Variants in CEP128 observed in about 807,000 individuals in gnomAD.
CEP128 encodes the protein centrosomal protein 128kDa.
CEP128 carries 132 observed loss-of-function variants against 156.7 expected under a neutral mutation model. The observed-to-expected ratio is 0.84, with a 90% CI of 0.73 to 0.97. The LOEUF (loss-of-function observed/expected upper bound fraction) is 0.97, where lower values mean the gene tolerates loss of function less well. CEP128 is among the 50% of genes least tolerant of loss of function. The pLI, the probability that CEP128 is intolerant of heterozygous loss-of-function variation, is 0.00. For synonymous variants in CEP128, 469 were observed against 448.9 expected, an observed-to-expected ratio of 1.04 and a Z score of -0.57; for missense variants, 1,252 against 1,281.9, an observed-to-expected ratio of 0.98 and a Z score of 0.36.
chr14:80,659,914 T>C (rs74066064), intron 19 of CEP128, among the ~76,000 whole-genome samples: 8,000 of 152,196 alleles, frequency 0.053, 638 homozygotes, highest in African/African-American at 0.18. Context: ...TCAGGGGGTT[T>C]GGGAGGTCTT....
chr14:80,582,717 T>C (rs2140453475), intron 19 of CEP128, among the ~76,000 whole-genome samples: 1 of 152,064 alleles, frequency 6.6e-6, no homozygotes, highest in Non-Finnish European at 1.5e-5. Context: ...AAACAACAGA[T>C]TTCTACACCA....
At chr14:80,887,780 G>C (rs1002425465) in intron 8 of CEP128, among the ~76,000 whole-genome samples, 10 of 152,090 alleles carry the variant, frequency 6.6e-5, no homozygotes, top group Admixed American at 6.5e-5. Flanking sequence ...ACTAAGATCA[G>C]AGCAGAACTG....
At chr14:80,793,191 T>G in intron 13 of CEP128, 81 bp from the exon 14 acceptor site, 21 of 1,017,146 alleles carry the variant, frequency 2.1e-5, no homozygotes, top group Non-Finnish European at 2.9e-5. Context: ...CAAGAATCTC[T>G]AATGTCACTG....
chr14:80,653,596 G>A (rs8007426), intron 19 of CEP128, among the ~76,000 whole-genome samples: 94,869 of 152,008 alleles, frequency 0.62, 30,004 homozygotes, highest in Non-Finnish European at 0.66. Context: ...CTTGTCTTCA[G>A]AGTTTTAAAG....
At chr14:80,845,494 C>A (rs551035584) in intron 9 of CEP128, among the ~76,000 whole-genome samples, 1 of 152,008 alleles carries the variant, frequency 6.6e-6, no homozygotes, top group South Asian at 2.1e-4. Context: ...ATTAGAAATC[C>A]AGAGTAATAT....
At chr14:80,679,990 T>C (rs538753916) in intron 19 of CEP128, among the ~76,000 whole-genome samples, 3 of 152,312 alleles carry the variant, frequency 2.0e-5, no homozygotes, top group South Asian at 4.1e-4. Context: ...GTTCCCCCGA[T>C]AGGTCCATAC....
chr14:80,865,403 G>A, intron 8 of CEP128, among the ~76,000 whole-genome samples: 1 of 152,212 alleles, frequency 6.6e-6, no homozygotes, highest in East Asian at 1.9e-4. Flanking sequence ...AACATGGGGT[G>A]TATAGATGTC....
intron 19 of CEP128, among the ~76,000 whole-genome samples, chr14:80,643,971 T>A (rs1465241832): frequency 6.6e-6 from 1 of 151,700 alleles, no homozygotes; most frequent in Non-Finnish European, 1.5e-5. Context: ...GTAGGGTGAG[T>A]CCTAATACAG....
upstream of CEP128, among the ~76,000 whole-genome samples, chr14:80,946,361 C>A (rs556753291): frequency 2.1e-5 from 3 of 139,740 alleles, no homozygotes; most frequent in Admixed American, 2.1e-4. Flanking sequence ...ATGATGATGC[C>A]TCATGATGCA....
chr14:80,792,044 T>C (rs145913421), intron 14 of CEP128, among the ~76,000 whole-genome samples: 1 of 152,350 alleles, frequency 6.6e-6, no homozygotes, highest in African/African-American at 2.4e-5. Context: ...CTGCTTATTA[T>C]CTTATAAACA....
intron 19 of CEP128, among the ~76,000 whole-genome samples, chr14:80,723,450 G>T (rs1019484487): frequency 5.3e-5 from 8 of 152,174 alleles, no homozygotes; most frequent in Non-Finnish European, 1.0e-4. Flanking sequence ...TAAATCTAGG[G>T]TAGTGAAGTT....
chr14:80,774,942 T>G (rs1260836836), intron 16 of CEP128, among the ~76,000 whole-genome samples: 3 of 152,222 alleles, frequency 2.0e-5, no homozygotes, highest in Non-Finnish European at 2.9e-5. Flanking sequence ...GGCTTTATGA[T>G]TAGGTAAATC....
intron 13 of CEP128, among the ~76,000 whole-genome samples, chr14:80,816,106 T>G (rs1884840991): frequency 1.3e-5 from 2 of 152,158 alleles, no homozygotes; most frequent in Admixed American, 1.3e-4. Context: ...TTTGTATACA[T>G]TTTTTAAAGA....
At chr14:80,733,756 T>C (rs893545332) in intron 19 of CEP128, among the ~76,000 whole-genome samples, 1 of 152,198 alleles carries the variant, frequency 6.6e-6, no homozygotes, top group Non-Finnish European at 1.5e-5. Context: ...ATGCATATGT[T>C]TATTTTCAGC....
At chr14:80,707,911 T>A (rs1438602625) in intron 19 of CEP128, among the ~76,000 whole-genome samples, 1 of 152,176 alleles carries the variant, frequency 6.6e-6, no homozygotes, top group Non-Finnish European at 1.5e-5. Context: ...ATTAACTTTG[T>A]TTGAAAATTA....
chr14:80,753,601 G>A (rs933752713), intron 18 of CEP128, among the ~76,000 whole-genome samples: 5 of 152,250 alleles, frequency 3.3e-5, no homozygotes, highest in South Asian at 2.1e-4. Flanking sequence ...TATCCCTACC[G>A]TCTCAATGTG....
intron 19 of CEP128, among the ~76,000 whole-genome samples, chr14:80,707,816 A>G (rs2139394642): frequency 6.6e-6 from 1 of 152,256 alleles, no homozygotes; most frequent in Admixed American, 6.5e-5. Flanking sequence ...TTTTTTAAAA[A>G]ATCTAATTTT....
At chr14:80,857,042 C>T (rs1887216371) in intron 9 of CEP128, among the ~76,000 whole-genome samples, 1 of 151,566 alleles carries the variant, frequency 6.6e-6, no homozygotes, top group Non-Finnish European at 1.5e-5. Context: ...GTCACCATGC[C>T]CAGCCATGTT....
chr14:80,955,942 C>G (rs80180059), intron 2 of CEP128: 92,580 of 1,482,724 alleles, frequency 0.062, 4,211 homozygotes, highest in South Asian at 0.2. Flanking sequence ...CAATAACAGC[C>G]CGAAGTAGTG....
Sources: allele counts gnomAD v4.1 joint callset (sites outside exome capture counted in the v4.1 genomes callset), GRCh38; gene constraint gnomAD v4.1.1; transcripts MANE v1.5; gene names NCBI Gene and HGNC (gene_info 2026-07-23, HGNC 2026-07-21).